Variants in HDAC8 observed in about 807,000 individuals in gnomAD.
HDAC8 encodes the protein histone deacetylase 8, also known as histone deacetylase-like 1.
HDAC8 carries 1 observed loss-of-function variant against 32.2 expected under a neutral mutation model. The ratio of observed to expected loss-of-function variants is 0.03; its 90% CI spans 0.01 to 0.15. The LOEUF (loss-of-function observed/expected upper bound fraction) is 0.15, where lower values mean the gene tolerates loss of function less well. HDAC8 is among the 10% of genes least tolerant of loss of function. HDAC8 has a pLI of 1.00. For missense variants in HDAC8, 117 were observed against 300.0 expected (o/e 0.39, Z 4.51); for synonymous variants, 108 against 113.9 (o/e 0.95, Z 0.33).
chrX:72,527,675 ATC>A (rs2050194915), intron 4 of HDAC8, among the ~76,000 whole-genome samples: 1 of 110,825 alleles, frequency 9.0e-6, no homozygotes, highest in Non-Finnish European at 1.9e-5. Context: ...TCACTATTGT[ATC>A]TCTAGCATCT....
intron 10 of HDAC8, among the ~76,000 whole-genome samples, chrX:72,331,414 C>T (rs1602494632): frequency 1.8e-5 from 2 of 111,492 alleles, no homozygotes; most frequent in African/African-American, 6.5e-5. Context: ...ACCTAGCAAG[C>T]ACTGATCTGT....
chrX:72,522,383 T>C (rs2050010247), intron 4 of HDAC8, among the ~76,000 whole-genome samples: 1 of 112,599 alleles, frequency 8.9e-6, no homozygotes, highest in African/African-American at 3.2e-5. Context: ...TGCCCATGTC[T>C]TTCCTTCTGT....
At chrX:72,426,020 T>A (rs2046629103) in intron 9 of HDAC8, among the ~76,000 whole-genome samples, 1 of 112,084 alleles carries the variant, frequency 8.9e-6, no homozygotes, top group Non-Finnish European at 1.9e-5. Flanking sequence ...ACTGGACAGA[T>A]CCCTCTCAAG....
intron 9 of HDAC8, among the ~76,000 whole-genome samples, chrX:72,359,550 A>G (rs1336951787): frequency 1.8e-5 from 2 of 111,133 alleles, no homozygotes; most frequent in African/African-American, 6.6e-5. Context: ...AAGAGAGCAC[A>G]GGAAGCCTTG....
intron 9 of HDAC8, among the ~76,000 whole-genome samples, chrX:72,373,536 C>T (rs782489170): frequency 3.6e-5 from 4 of 112,241 alleles, no homozygotes; most frequent in Non-Finnish European, 7.5e-5. Context: ...TATTGTAGTA[C>T]GTATCAGTAA....
In HDAC8 at chrX:72,551,079, G is replaced by GCACACA. The variant is rs56118046; in HGVS notation, c.437+16804_437+16809dup. ...AGATGCTGGAAATCTTGAAGTCAGCGCACACACACACACACACACACACAC... is the reference window on the plus strand; with the variant it reads ...AGATGCTGGAAATCTTGAAGTCAGCGCACACACACACACACACACACACACACACAC... On this transcript the variant is annotated intron_variant, in intron 4 of 10. Coordinates refer to ENST00000373573, the MANE Select transcript of HDAC8 (RefSeq NM_018486.3). Among the ~76,000 whole-genome samples, 801 of 96,419 alleles carry GCACACA rather than the reference G, an allele frequency of 8.3e-3. 9 individuals carry two copies. Among genetic ancestry groups the GCACACA allele is most frequent in the African/African-American group, 0.022 (600 of 26,904 alleles). The allele number at this position is 96,419 out of a possible 115,157, so 83.7% of individuals were successfully genotyped here. A position where few individuals can be genotyped will look rare whatever the true frequency, so the allele number is the denominator to read the frequency against.
At chrX:72,408,980 T>G (rs1285396767) in intron 9 of HDAC8, among the ~76,000 whole-genome samples, 1 of 111,769 alleles carries the variant, frequency 8.9e-6, no homozygotes, top group Non-Finnish European at 1.9e-5. Context: ...ATATAGGTAT[T>G]AGAGAATGGA....
intron 4 of HDAC8, among the ~76,000 whole-genome samples, chrX:72,497,345 T>C (rs1227907422): frequency 3.6e-5 from 4 of 111,877 alleles, no homozygotes; most frequent in African/African-American, 1.3e-4. Context: ...AATAAGTGTT[T>C]AGATAAATAG....
At chrX:72,547,718 T>G (rs1442997255) in intron 4 of HDAC8, among the ~76,000 whole-genome samples, 1 of 111,703 alleles carries the variant, frequency 9.0e-6, no homozygotes, top group Non-Finnish European at 1.9e-5. Flanking sequence ...ATTTAACCTC[T>G]CTGTACTTCC....
In HDAC8 at chrX:72,568,885, CTAA is replaced by C; in HGVS notation, c.165-4_165-2del. 1 of 1,206,570 alleles carries C rather than the reference CTAA, an allele frequency of 8.3e-7. No homozygotes were observed. The highest frequency in any genetic ancestry group is 2.2e-5 in the Admixed American group (1 of 45,475). Reference sequence around the variant, plus strand: ...GGAGGCCACTTTAGGCTTAACTATCCTAATAATAACAGAGAGAACAAAGAGAGG... The same window carrying C: ...GGAGGCCACTTTAGGCTTAACTATCCTAATAACAGAGAGAACAAAGAGAGG... On this transcript the variant is annotated splice_acceptor_variant and splice_polypyrimidine_tract_variant and intron_variant, in intron 2 of 10. Transcript: ENST00000373573. LOFTEE classifies it high-confidence loss of function.
At chrX:72,440,288 T>A (rs1374452361) in intron 9 of HDAC8, among the ~76,000 whole-genome samples, 1 of 111,551 alleles carries the variant, frequency 9.0e-6, no homozygotes, top group African/African-American at 3.3e-5. Context: ...AGAACAAAGA[T>A]ACAATGTACC....
rs140192099 is a variant in HDAC8 at position 72,533,292 on chromosome X, T to G, written c.437+34597A>C. ...TGGTAAGTTTTGAAATTGGGAATTG[T>G]GAGTCCTCCAACTTTATTCTTTTTC... On this transcript the variant is annotated intron_variant, in intron 4 of 10. Transcript: ENST00000373573. Among the ~76,000 whole-genome samples the G allele has an allele frequency of 1.0e-3, 116 of 112,168 alleles. 2 individuals carry two copies. In the East Asian group the frequency reaches 0.026, roughly 25 times the overall value.
intron 9 of HDAC8, among the ~76,000 whole-genome samples, chrX:72,425,121 C>T (rs1602771182): frequency 8.9e-6 from 1 of 111,748 alleles, no homozygotes; most frequent in East Asian, 2.8e-4. Context: ...TTTTGAGGAA[C>T]TGCCAACCTA....
intron 4 of HDAC8, among the ~76,000 whole-genome samples, chrX:72,500,268 G>A (rs73498383): frequency 0.048 from 5,390 of 111,225 alleles, 322 homozygotes; most frequent in African/African-American, 0.17. Flanking sequence ...ACTCTTCCTC[G>A]ACTCATTCTA....
chrX:72,344,100 G>C (rs1401605318), intron 10 of HDAC8, among the ~76,000 whole-genome samples: 4 of 111,720 alleles, frequency 3.6e-5, no homozygotes, highest in Non-Finnish European at 7.5e-5. Context: ...GCAATACTGA[G>C]GTGCCCTTCT....
chrX:72,535,875 T>A (rs140261351), intron 4 of HDAC8, among the ~76,000 whole-genome samples: 8 of 111,852 alleles, frequency 7.2e-5, no homozygotes, highest in Non-Finnish European at 1.1e-4. Flanking sequence ...TTTCTTTCAG[T>A]TGGAGCACAC....
intron 9 of HDAC8, among the ~76,000 whole-genome samples, chrX:72,427,814 C>T (rs919300934): frequency 4.5e-5 from 5 of 110,448 alleles, no homozygotes; most frequent in Non-Finnish European, 9.5e-5. Flanking sequence ...GATTAGAGCA[C>T]ATGCAGCCAA....
chrX:72,523,291 C>A (rs2050037725), intron 4 of HDAC8, among the ~76,000 whole-genome samples: 1 of 111,807 alleles, frequency 8.9e-6, no homozygotes, highest in South Asian at 3.7e-4. Context: ...TAAATTTTTG[C>A]TAATCTCATA....
At chrX:72,471,281 T>C (rs782301504) in intron 7 of HDAC8, among the ~76,000 whole-genome samples, 6 of 112,626 alleles carry the variant, frequency 5.3e-5, no homozygotes, top group Non-Finnish European at 9.4e-5. Context: ...AATGCCACTA[T>C]AGTATACTAC....
Sources: allele counts gnomAD v4.1 joint callset (sites outside exome capture counted in the v4.1 genomes callset), GRCh38; gene constraint gnomAD v4.1.1; transcripts MANE v1.5; gene names NCBI Gene and HGNC (gene_info 2026-07-23, HGNC 2026-07-21).